USP14: variants seen among roughly 807,000 people sequenced by gnomAD.
USP14 encodes ubiquitin specific peptidase 14.
A neutral mutation model predicts 76.5 loss-of-function variants in USP14; 38 were observed. The ratio of observed to expected loss-of-function variants is 0.50; its 90% confidence interval spans 0.38 to 0.65. USP14 has a LOEUF of 0.65. Ranked by LOEUF, USP14 falls within the 30% of genes least tolerant of loss-of-function variation. The pLI, the probability that USP14 is intolerant of heterozygous loss-of-function variation, is 0.00. For synonymous variants in USP14, 192 were observed against 191.7 expected (o/e 1.00, Z -0.01); for missense variants, 467 against 586.5 (o/e 0.80, Z 2.10).
chr18:160,247 T>C (rs924810237), intron 1 of USP14, among the ~76,000 whole-genome samples: 1 of 152,114 alleles, frequency 6.6e-6, no homozygotes, highest in Admixed American at 6.5e-5. Flanking sequence ...GAGGTTGTAG[T>C]GAGCCAAGAT....
At chr18:181,698 C>A (rs1345383678) in intron 5 of USP14, among the ~76,000 whole-genome samples, 1 of 151,800 alleles carries the variant, frequency 6.6e-6, no homozygotes, top group African/African-American at 2.4e-5. Flanking sequence ...CTTGATGGTA[C>A]GTTTGTAATG....
At chr18:206,759 G>T (rs1910539220) in intron 13 of USP14, among the ~76,000 whole-genome samples, 1 of 152,128 alleles carries the variant, frequency 6.6e-6, no homozygotes, top group Admixed American at 6.6e-5. Context: ...AAATTAGCTG[G>T]GTATGGTGGT....
At chr18:177,633 GT>G (rs11438659) in intron 3 of USP14, among the ~76,000 whole-genome samples, 72 of 139,156 alleles carry the variant, frequency 5.2e-4, no homozygotes, top group East Asian at 1.1e-3. Context: ...TTCCCTCCCT[GT>G]TTTTTTTTTT....
intron 13 of USP14, among the ~76,000 whole-genome samples, chr18:206,913 A>G (rs983658898): frequency 6.6e-6 from 1 of 152,072 alleles, no homozygotes; most frequent in Non-Finnish European, 1.5e-5. Flanking sequence ...AGAGATTTAT[A>G]CGTATGTTTT....
intron 5 of USP14, among the ~76,000 whole-genome samples, chr18:187,823 T>G (rs937316683): frequency 6.6e-6 from 1 of 152,200 alleles, no homozygotes; most frequent in African/African-American, 2.4e-5. Flanking sequence ...AATGTAGTTT[T>G]TATTTACCTT....
At chr18:166,640 A>T (rs1909279589) in intron 2 of USP14, 147 bp from the exon 3 acceptor site, 3 of 998,900 alleles carry the variant, frequency 3.0e-6, no homozygotes, top group East Asian at 2.8e-5. Context: ...GCCAAAAAAA[A>T]TTTTTTTAAT....
At chr18:163,824 T>A (rs1471420236) in intron 2 of USP14, among the ~76,000 whole-genome samples, 1 of 151,984 alleles carries the variant, frequency 6.6e-6, no homozygotes, top group African/African-American at 2.4e-5. Flanking sequence ...GTAGTTTTTT[T>A]TTTTTTTTAG....
chr18:196,261 C>T (rs1039070163), intron 6 of USP14, among the ~76,000 whole-genome samples: 16 of 151,470 alleles, frequency 1.1e-4, no homozygotes, highest in Non-Finnish European at 8.8e-5. Flanking sequence ...CTCAGCCTCC[C>T]GAATAGCTGG....
intron 7 of USP14, 47 bp from the exon 8 acceptor site, chr18:197,569 A>T (rs747637458): frequency 1.4e-6 from 2 of 1,470,988 alleles, no homozygotes; most frequent in South Asian, 2.3e-5. Flanking sequence ...AACTTTGTAG[A>T]TCATTCACTG....
At chr18:158,903 GGGA>G in intron 1 of USP14, 189 bp downstream of exon 1, 4 of 957,540 alleles carry the variant, frequency 4.2e-6, no homozygotes, top group Non-Finnish European at 5.4e-6. Context: ...TGCGTGGCAG[GGGA>G]GCGCCGTCCC....
rs1265279974 is a variant in USP14 at position 212,123 on chromosome 18, T to G, written c.*839T>G. ...GACATGTTTAATACTGTACAATTTC[T>G]GAAGATGGTTATTAACACTGTGCTG... On this transcript the variant is annotated 3_prime_UTR_variant, in exon 16 of 16. Transcript: ENST00000261601. 6.6e-6 allele frequency: 1 copy of G among 152,250 alleles called. No individual in the cohort carries two copies. The highest frequency in any genetic ancestry group is 1.9e-4 in the East Asian group (1 of 5,204). 9.4% of individuals were successfully genotyped at this position (152,250 alleles called of 1,614,324 possible). A position where few individuals can be genotyped will look rare whatever the true frequency, so the allele number is the denominator to read the frequency against.
chr18:166,244 A>G (rs1272963034), intron 2 of USP14, among the ~76,000 whole-genome samples: 2 of 152,206 alleles, frequency 1.3e-5, no homozygotes, highest in Non-Finnish European at 2.9e-5. Context: ...TGCTGTAAAT[A>G]CAGGTTACTG....
At chr18:175,848 A>G (rs992411584) in intron 3 of USP14, among the ~76,000 whole-genome samples, 2 of 152,086 alleles carry the variant, frequency 1.3e-5, no homozygotes, top group Non-Finnish European at 2.9e-5. Context: ...AGTGAAGCCT[A>G]GTTCACTAGA....
intron 5 of USP14, 129 bp from the exon 6 acceptor site, chr18:192,713 A>G: frequency 1.4e-6 from 1 of 704,422 alleles, no homozygotes; most frequent in Non-Finnish European, 2.3e-6. Context: ...GAAGAAAAGG[A>G]AAGGTGGGAA....
At chr18:180,085 GTT>G (rs1909744152) in intron 4 of USP14, 149 bp from the exon 5 acceptor site, 2 of 322,508 alleles carry the variant, frequency 6.2e-6, no homozygotes, top group Non-Finnish European at 1.1e-5. Context: ...AAATAAAACT[GTT>G]TCTTTAGCGT....
At chr18:170,729 A>G (rs1909417981) in intron 3 of USP14, among the ~76,000 whole-genome samples, 1 of 152,220 alleles carries the variant, frequency 6.6e-6, no homozygotes, top group South Asian at 2.1e-4. Context: ...TGAGGAAGCT[A>G]CATTGTCCTC....
At chr18:165,095 A>C (rs985567418) in intron 2 of USP14, among the ~76,000 whole-genome samples, 2 of 151,918 alleles carry the variant, frequency 1.3e-5, no homozygotes, top group African/African-American at 4.8e-5. Flanking sequence ...ATAACAGGTC[A>C]CCACCACCAT....
At chr18:207,481 C>T (rs1054521503) in intron 13 of USP14, among the ~76,000 whole-genome samples, 4 of 144,442 alleles carry the variant, frequency 2.8e-5, no homozygotes, top group Admixed American at 6.9e-5. Flanking sequence ...AAGTTGGAGA[C>T]CAGCCTGGGC....
intron 9 of USP14, 33 bp from the exon 10 acceptor site, chr18:199,169 C>A: frequency 7.4e-7 from 1 of 1,360,310 alleles, no homozygotes; most frequent in Non-Finnish European, 1.0e-6. Context: ...AATTGAATAC[C>A]CGTTGGCATA....
Sources: allele counts gnomAD v4.1 joint callset (sites outside exome capture counted in the v4.1 genomes callset), GRCh38; gene constraint gnomAD v4.1.1; transcripts MANE v1.5; gene names NCBI Gene and HGNC (gene_info 2026-07-23, HGNC 2026-07-21).